Variants in PSD3 observed in about 807,000 individuals in gnomAD.
PSD3 encodes pleckstrin and Sec7 domain containing 3.
A neutral mutation model predicts 105.5 loss-of-function variants in PSD3; 49 were observed. The ratio of observed to expected loss-of-function variants is 0.46; its 90% CI spans 0.37 to 0.59. The LOEUF is 0.59. PSD3 is among the 20% of genes least tolerant of loss of function. The pLI is 0.00. For synonymous variants in PSD3, 557 were observed against 457.8 expected (o/e 1.22, Z -2.77); for missense variants, 1,561 against 1,263.8 (o/e 1.24, Z -3.57).
intron 4 of PSD3, among the ~76,000 whole-genome samples, chr8:18,836,568 T>C (rs1814125040): frequency 6.6e-6 from 1 of 152,180 alleles, no homozygotes; most frequent in Non-Finnish European, 1.5e-5. Context: ...AGTGAATATA[T>C]ACATTTGTCC....
chr8:18,638,226 T>C (rs1272995205), intron 10 of PSD3, among the ~76,000 whole-genome samples: 1 of 148,218 alleles, frequency 6.7e-6, no homozygotes, highest in Non-Finnish European at 1.5e-5. Flanking sequence ...CAGTCAAAGG[T>C]GGAATGTTTT....
At chr8:18,954,199 T>A in intron 1 of PSD3, among the ~76,000 whole-genome samples, 1 of 151,954 alleles carries the variant, frequency 6.6e-6, no homozygotes, top group Non-Finnish European at 1.5e-5. Context: ...ACACGGCACA[T>A]AAACATGCAT....
chr8:18,778,385 T>C (rs920789154), intron 8 of PSD3, among the ~76,000 whole-genome samples: 2 of 152,192 alleles, frequency 1.3e-5, no homozygotes, highest in Admixed American at 6.5e-5. Flanking sequence ...TAGGTTCTTC[T>C]ATATATAAGA....
intron 1 of PSD3, among the ~76,000 whole-genome samples, chr8:19,012,920 G>C (rs1246448240): frequency 6.6e-6 from 1 of 152,018 alleles, no homozygotes; most frequent in Non-Finnish European, 1.5e-5. Flanking sequence ...AACATCCTTT[G>C]ACATCGAGGG....
intron 1 of PSD3, among the ~76,000 whole-genome samples, chr8:19,043,726 C>T (rs1223601372): frequency 6.6e-6 from 1 of 152,178 alleles, no homozygotes; most frequent in African/African-American, 2.4e-5. Flanking sequence ...TAGGCTCCTT[C>T]TTTTGCCATT....
chr8:18,554,817 GT>G (rs1478059071), intron 15 of PSD3, among the ~76,000 whole-genome samples: 2 of 152,108 alleles, frequency 1.3e-5, no homozygotes, highest in Non-Finnish European at 2.9e-5. Context: ...TCTGGATCAG[GT>G]TTTTCATAGG....
chr8:19,060,549 G>T (rs539462204), intron 1 of PSD3, among the ~76,000 whole-genome samples: 1 of 152,270 alleles, frequency 6.6e-6, no homozygotes. Context: ...CAGGAGGATT[G>T]CTTGAGCCCA....
rs56131469 is a variant in PSD3 at position 18,901,223 on chromosome 8, C to T, written c.131-28490G>A. On this transcript the variant is annotated intron_variant, in intron 2 of 15. Coordinates refer to ENST00000327040, the MANE Select transcript of PSD3 (RefSeq NM_015310.4). ...GTCTGCAAGTTTTCTCAAATTGTTG[C>T]AAATCTCCCAAAAAATTAAACAACA... Among the ~76,000 whole-genome samples the T allele has an allele frequency of 1.4e-3, 214 of 152,162 alleles. 1 individual carries two copies. Among genetic ancestry groups the T allele is most frequent in the Admixed American group, 3.4e-3 (52 of 15,278 alleles).
chr8:18,580,817 T>G (rs913648209), intron 12 of PSD3, among the ~76,000 whole-genome samples: 2 of 152,164 alleles, frequency 1.3e-5, no homozygotes, highest in African/African-American at 4.8e-5. Flanking sequence ...TAGAGATTCT[T>G]GAGAGCCTGA....
At chr8:18,707,880 T>G (rs1325450559) in intron 9 of PSD3, among the ~76,000 whole-genome samples, 1 of 152,174 alleles carries the variant, frequency 6.6e-6, no homozygotes, top group Admixed American at 6.5e-5. Context: ...AGAAGACAGG[T>G]CACAATGACT....
At chr8:19,051,712 T>C (rs1247573777) in intron 1 of PSD3, among the ~76,000 whole-genome samples, 4 of 152,200 alleles carry the variant, frequency 2.6e-5, no homozygotes, top group African/African-American at 9.7e-5. Flanking sequence ...GGGATTAGCA[T>C]GTTACCATCT....
chr8:18,553,848 C>G (rs1353750989), intron 15 of PSD3, among the ~76,000 whole-genome samples: 1 of 152,106 alleles, frequency 6.6e-6, no homozygotes, highest in Admixed American at 6.5e-5. Flanking sequence ...GCTATCCTCG[C>G]GCCTTTCTGA....
intron 4 of PSD3, among the ~76,000 whole-genome samples, chr8:18,807,578 T>A (rs1811313238): frequency 6.6e-6 from 1 of 152,190 alleles, no homozygotes; most frequent in African/African-American, 2.4e-5. Context: ...AATAGTTCAG[T>A]TATTAAAACT....
chr8:18,661,451 T>C (rs141913547), intron 9 of PSD3, among the ~76,000 whole-genome samples: 98 of 152,348 alleles, frequency 6.4e-4, no homozygotes, highest in African/African-American at 2.2e-3. Flanking sequence ...AAATTAATGA[T>C]AAAACCAGTT....
At position 18,801,515 on chromosome 8, in the gene PSD3, C is replaced by CA. The variant is rs569616714; in HGVS notation, c.1911-134_1911-133insT. On this transcript the variant is annotated intron_variant, in intron 6 of 15. Coordinates refer to ENST00000327040, the MANE Select transcript of PSD3 (RefSeq NM_015310.4). ...TAAGATATTATGAAGTTATCTCCCCCCAAAAAAATCATTTACTAGACAGCC... is the reference window on the plus strand; with the variant it reads ...TAAGATATTATGAAGTTATCTCCCCCACAAAAAAATCATTTACTAGACAGCC... 4.1e-3 allele frequency: 2,279 copies of CA among 554,120 alleles called. 15 individuals are homozygous for CA. The highest frequency in any genetic ancestry group is 4.8e-3 in the Middle Eastern group (10 of 2,072). 34.3% of individuals were successfully genotyped at this position (554,120 alleles called of 1,614,324 possible). A position where few individuals can be genotyped will look rare whatever the true frequency, so the allele number is the denominator to read the frequency against.
chr8:18,587,046 GC>G (rs992053552), intron 12 of PSD3, among the ~76,000 whole-genome samples: 5 of 152,170 alleles, frequency 3.3e-5, no homozygotes, highest in African/African-American at 1.2e-4. Context: ...TTGGGCCAGG[GC>G]TTTTTTCTCC....
intron 10 of PSD3, among the ~76,000 whole-genome samples, chr8:18,642,640 T>C (rs1021186226): frequency 1.3e-5 from 2 of 152,164 alleles, no homozygotes; most frequent in African/African-American, 4.8e-5. Flanking sequence ...TCACATTCCA[T>C]CTGCTCACCA....
intron 15 of PSD3, among the ~76,000 whole-genome samples, chr8:18,552,788 A>C (rs947267115): frequency 6.6e-6 from 1 of 152,230 alleles, no homozygotes; most frequent in African/African-American, 2.4e-5. Context: ...AAGTAAGATT[A>C]GATTCCAAAC....
chr8:18,613,445 C>G (rs976745079), intron 11 of PSD3, among the ~76,000 whole-genome samples: 1 of 152,146 alleles, frequency 6.6e-6, no homozygotes, highest in Admixed American at 6.5e-5. Context: ...TTTGCTGATG[C>G]GTATTTCCTT....
Sources: gnomAD v4.1 joint callset for allele counts (sites outside exome capture counted in the v4.1 genomes callset) on GRCh38, gnomAD v4.1.1 for gene constraint, MANE v1.5 for transcripts, NCBI Gene and HGNC (gene_info 2026-07-23, HGNC 2026-07-21) for gene names.